Variants in RARB observed in about 807,000 individuals in gnomAD.
The protein encoded by RARB is HBV-activated protein.
A neutral mutation model predicts 51.9 loss-of-function variants in RARB; 17 were observed. The ratio of observed to expected loss-of-function variants is 0.33; its 90% confidence interval spans 0.22 to 0.49. The LOEUF (loss-of-function observed/expected upper bound fraction) is 0.49, where lower values mean the gene tolerates loss of function less well. Among genes scored for constraint, RARB ranks in the 20% least tolerant of loss-of-function variants. The pLI, the probability that RARB is intolerant of heterozygous loss-of-function variation, is 0.99. For synonymous variants in RARB, 215 were observed against 195.4 expected, an observed-to-expected ratio of 1.10 and a Z score of -0.84; for missense variants, 369 against 550.8, an observed-to-expected ratio of 0.67 and a Z score of 3.30.
intron 5 of RARB, among the ~76,000 whole-genome samples, chr3:25,188,844 A>G (rs2125362072): frequency 6.6e-6 from 1 of 152,296 alleles, no homozygotes; most frequent in East Asian, 1.9e-4. Flanking sequence ...CCACTTGTGA[A>G]AAAATTATAT....
At chr3:25,403,386 C>T (rs1707318224) in intron 5 of RARB, among the ~76,000 whole-genome samples, 1 of 152,098 alleles carries the variant, frequency 6.6e-6, no homozygotes, top group South Asian at 2.1e-4. Context: ...AATATATATA[C>T]TTACTGTGTA....
At chr3:25,423,683 T>C (rs192954656), upstream of RARB, among the ~76,000 whole-genome samples, 1 of 152,224 alleles carries the variant, frequency 6.6e-6, no homozygotes, top group Non-Finnish European at 1.5e-5. Flanking sequence ...TACTTAAATC[T>C]AGATTTATAG....
At chr3:25,505,109 T>C (rs1016419378) in intron 3 of RARB, among the ~76,000 whole-genome samples, 21 of 152,156 alleles carry the variant, frequency 1.4e-4, no homozygotes, top group African/African-American at 4.8e-4. Flanking sequence ...CTTTATCCCA[T>C]TGATCTTCAT....
chr3:25,146,492 G>GTTTT, intron 4 of RARB, among the ~76,000 whole-genome samples: 1 of 126,258 alleles, frequency 7.9e-6, no homozygotes, highest in Non-Finnish European at 1.7e-5. Context: ...AATTTGCTAA[G>GTTTT]TTTTTTGTTT....
At position 24,872,947 on chromosome 3, in the gene RARB, A is replaced by G. The variant is rs7614870; in HGVS notation, c.-380+14195A>G. 7.5e-3 allele frequency among the ~76,000 whole-genome samples: 1,148 copies of G among 152,314 alleles called. 14 individuals carry two copies. The highest frequency in any genetic ancestry group is 0.026 in the African/African-American group (1,093 of 41,590). On this transcript the variant is annotated intron_variant, in intron 2 of 11. Transcript: ENST00000383772. Reference sequence around the variant, plus strand: ...CAGTTATTTTCTAACGTCCTGTATCAGGAATCAGCAAACTTTTTCTAAAGG... The same window carrying G: ...CAGTTATTTTCTAACGTCCTGTATCGGGAATCAGCAAACTTTTTCTAAAGG...
intron 5 of RARB, among the ~76,000 whole-genome samples, chr3:25,190,955 G>C (rs1701088924): frequency 6.6e-6 from 1 of 151,836 alleles, no homozygotes; most frequent in Non-Finnish European, 1.5e-5. Flanking sequence ...CAACTGATTG[G>C]TTTGCATGGA....
At chr3:25,064,573 T>C (rs1376443389) in intron 3 of RARB, among the ~76,000 whole-genome samples, 1 of 152,036 alleles carries the variant, frequency 6.6e-6, no homozygotes, top group African/African-American at 2.4e-5. Context: ...GCAAAAAATA[T>C]CCATGAAAGG....
chr3:24,969,828 C>A (rs143696839), intron 2 of RARB, among the ~76,000 whole-genome samples: 1 of 152,086 alleles, frequency 6.6e-6, no homozygotes, highest in Non-Finnish European at 1.5e-5. Flanking sequence ...TACACCATTA[C>A]AGTTTCATTG....
At chr3:25,470,487 G>C (rs1358421144) in intron 2 of RARB, among the ~76,000 whole-genome samples, 1 of 152,164 alleles carries the variant, frequency 6.6e-6, no homozygotes, top group Non-Finnish European at 1.5e-5. Context: ...TGATTTTATA[G>C]ATGTGTAAGC....
chr3:25,190,657 G>C (rs1159213218), intron 5 of RARB, among the ~76,000 whole-genome samples: 1 of 152,090 alleles, frequency 6.6e-6, no homozygotes, highest in African/African-American at 2.4e-5. Context: ...TATGGCAACA[G>C]TTTTCTAGTT....
intron 2 of RARB, among the ~76,000 whole-genome samples, chr3:24,967,342 C>T (rs1289527105): frequency 6.6e-6 from 1 of 152,138 alleles, no homozygotes; most frequent in Non-Finnish European, 1.5e-5. Context: ...TCTCTCAAGG[C>T]TACCTATGTT....
At chr3:25,247,395 G>T (rs1227106209) in intron 5 of RARB, among the ~76,000 whole-genome samples, 1 of 152,210 alleles carries the variant, frequency 6.6e-6, no homozygotes, top group Non-Finnish European at 1.5e-5. Context: ...ATCTGGTTCG[G>T]TGTCTGTCCA....
intron 2 of RARB, among the ~76,000 whole-genome samples, chr3:25,010,479 C>G (rs1174451473): frequency 1.3e-5 from 2 of 152,076 alleles, no homozygotes; most frequent in African/African-American, 4.8e-5. Flanking sequence ...AGTTATATAA[C>G]ATAATATTTA....
intron 4 of RARB, among the ~76,000 whole-genome samples, chr3:25,158,151 C>T (rs553878624): frequency 6.6e-6 from 1 of 152,352 alleles, no homozygotes; most frequent in South Asian, 2.1e-4. Context: ...GCCAGCCTAT[C>T]AAGATAATAC....
chr3:24,992,943 T>C (rs891325001), intron 2 of RARB, among the ~76,000 whole-genome samples: 1 of 152,232 alleles, frequency 6.6e-6, no homozygotes, highest in African/African-American at 2.4e-5. Context: ...AATTATTCTT[T>C]TTGTTAAATT....
intron 5 of RARB, among the ~76,000 whole-genome samples, chr3:25,213,534 A>C (rs566497786): frequency 6.6e-6 from 1 of 152,270 alleles, no homozygotes; most frequent in African/African-American, 2.4e-5. Context: ...ATCCTTGTAC[A>C]TGTCTTTTGG....
chr3:25,137,871 C>T (rs965766158), intron 4 of RARB, among the ~76,000 whole-genome samples: 1 of 152,036 alleles, frequency 6.6e-6, no homozygotes, highest in Non-Finnish European at 1.5e-5. Context: ...CTTTGTAAGA[C>T]CTGAAGGCAA....
Position 25,221,193 on chromosome 3 carries a change from G to C in RARB, c.178+46618G>C, listed in dbSNP as rs1337007494. 3.3e-5 allele frequency among the ~76,000 whole-genome samples: 5 copies of C among 152,092 alleles called. No individual in the cohort carries two copies. In the East Asian group the frequency reaches 7.7e-4, roughly 23 times the overall value. ...AGATACTAAAGGCAAAAGGAATTAG[G>C]AGGAACTACCAACACTGAACATAAA... On this transcript the variant is annotated intron_variant, in intron 5 of 11. Coordinates refer to the RARB transcript ENST00000383772.
intron 5 of RARB, among the ~76,000 whole-genome samples, chr3:25,381,279 T>C (rs1706616895): frequency 6.6e-6 from 1 of 152,088 alleles, no homozygotes; most frequent in Admixed American, 6.6e-5. Context: ...ATGTTGTCAT[T>C]AGCCCAGGGA....
Sources: gnomAD v4.1 joint callset for allele counts (sites outside exome capture counted in the v4.1 genomes callset) on GRCh38, gnomAD v4.1.1 for gene constraint, MANE v1.5 for transcripts, NCBI Gene and HGNC (gene_info 2026-07-23, HGNC 2026-07-21) for gene names.